SCARA3: variants seen among roughly 807,000 people sequenced by gnomAD.
SCARA3 encodes the protein cellular stress response gene protein.
In SCARA3, 39 loss-of-function variants were observed where a neutral mutation model predicts 47.0. The ratio of observed to expected loss-of-function variants is 0.83; its 90% CI spans 0.64 to 1.08. The LOEUF (loss-of-function observed/expected upper bound fraction) is 1.08, where lower values mean the gene tolerates loss of function less well. SCARA3 is among the 50% of genes least tolerant of loss of function. The pLI is 0.00. For synonymous variants in SCARA3, 356 were observed against 334.1 expected (o/e 1.07, Z -0.71); for missense variants, 724 against 792.3 (o/e 0.91, Z 1.04).
chr8:27,654,900 T>C (rs556313501), intron 3 of SCARA3, among the ~76,000 whole-genome samples: 8 of 152,222 alleles, frequency 5.3e-5, no homozygotes, highest in Admixed American at 5.2e-4. Context: ...TAATGAAGCA[T>C]AGGAATAGGA....
the SCARA3 span, chr8:27,697,139 G>A: frequency 5.5e-6 from 1 of 182,276 alleles, no homozygotes; most frequent in African/African-American, 2.3e-5. Flanking sequence ...CTCAGTGTCT[G>A]TAAAAGGCAT....
the SCARA3 span, among the ~76,000 whole-genome samples, chr8:27,721,792 C>A: frequency 6.6e-6 from 1 of 152,148 alleles, no homozygotes; most frequent in Non-Finnish European, 1.5e-5. Flanking sequence ...TGAAATAAGG[C>A]CAGGTGCAGT....
At chr8:27,673,546 T>A (rs34847340), downstream of SCARA3, among the ~76,000 whole-genome samples, 57 of 152,030 alleles carry the variant, frequency 3.7e-4, no homozygotes, top group East Asian at 9.3e-3. Context: ...TTTTTTGGAG[T>A]TTTTTTGGTG....
chr8:27,672,603 C>A lies in SCARA3; in HGVS notation c.*1252C>A. The A allele has an allele frequency of 1.0e-6, 1 of 985,616 alleles. No individual in the cohort carries two copies. The allele number at this position is 985,616 out of a possible 1,614,324, so 61.1% of individuals were successfully genotyped here. A position where few individuals can be genotyped will look rare whatever the true frequency, so the allele number is the denominator to read the frequency against. On this transcript the variant is annotated 3_prime_UTR_variant, in exon 6 of 6. Coordinates refer to ENST00000301904, the MANE Select transcript of SCARA3 (RefSeq NM_016240.3). ...GCCCGAGCCCTCTTTGCATGGGCAGCCAGCTGGACTAGGAGTGGGAAGGGC... is the reference window on the plus strand; with the variant it reads ...GCCCGAGCCCTCTTTGCATGGGCAGACAGCTGGACTAGGAGTGGGAAGGGC...
At chr8:27,648,818 AAGAG>A (rs554585052) in intron 1 of SCARA3, among the ~76,000 whole-genome samples, 1 of 150,702 alleles carries the variant, frequency 6.6e-6, no homozygotes, top group Non-Finnish European at 1.5e-5. Flanking sequence ...AGGAGAGAGA[AAGAG>A]AGAAAGGAGG....
chr8:27,698,513 T>C, the SCARA3 span, among the ~76,000 whole-genome samples: 1 of 151,930 alleles, frequency 6.6e-6, no homozygotes, highest in Non-Finnish European at 1.5e-5. Context: ...TGACTAGAGG[T>C]CCTCCCCAAC....
the SCARA3 span, among the ~76,000 whole-genome samples, chr8:27,710,099 G>A: frequency 2.6e-5 from 4 of 152,126 alleles, no homozygotes; most frequent in Non-Finnish European, 4.4e-5. Flanking sequence ...GTGTGGTGGT[G>A]CATGCCTGTA....
At chr8:27,708,395 T>G in the SCARA3 span, among the ~76,000 whole-genome samples, 1 of 152,166 alleles carries the variant, frequency 6.6e-6, no homozygotes, top group African/African-American at 2.4e-5. Flanking sequence ...TAAAAAGTCT[T>G]AATGATGTAA....
intron 5 of SCARA3, among the ~76,000 whole-genome samples, chr8:27,669,203 G>A (rs1231873676): frequency 1.3e-5 from 2 of 152,178 alleles, no homozygotes; most frequent in Non-Finnish European, 2.9e-5. Context: ...AAGGGGTCAT[G>A]GAGCTGCAGG....
the SCARA3 span, chr8:27,702,873 C>T: frequency 1.3e-5 from 2 of 152,336 alleles, no homozygotes; most frequent in South Asian, 2.1e-4. Flanking sequence ...ACCTTGGCCT[C>T]GCTCCTCTAA....
At position 27,658,665 on chromosome 8, in the gene SCARA3, A is replaced by G. The variant is rs1024713029; in HGVS notation, c.495A>G (p.Arg165=). The change falls in exon 5 of 6, where the codon AGA becomes AGG. Residue 165 remains arginine, a synonymous_variant. Transcript: ENST00000301904. ...QAQEVLSTTS[R]QISQEMGSCS... ...AGGAGGTGCTCTCCACCACCAGCAG[A>G]CAAATCTCCCAGGAGATGGGCAGTT... 31 of 1,613,972 alleles carry G rather than the reference A, an allele frequency of 1.9e-5. No homozygotes were observed. The highest frequency in any genetic ancestry group is 4.0e-5 in the African/African-American group (3 of 74,918).
At chr8:27,686,519 T>C in the SCARA3 span, among the ~76,000 whole-genome samples, 1 of 152,116 alleles carries the variant, frequency 6.6e-6, no homozygotes, top group South Asian at 2.1e-4. Flanking sequence ...AAAGAAGTAT[T>C]TTAGTAAGAA....
chr8:27,724,086 T>C, the SCARA3 span, among the ~76,000 whole-genome samples: 2 of 152,170 alleles, frequency 1.3e-5, no homozygotes, highest in Admixed American at 1.3e-4. Context: ...TTCCCACAAC[T>C]CTCGGCTTGA....
chr8:27,670,943 G>A lies in SCARA3; in HGVS notation c.1413G>A (p.Met471Ile). The change falls in exon 6 of 6, where the codon ATG (methionine) becomes ATA (isoleucine). Residue 471 changes from methionine (M) to isoleucine (I), a missense_variant. Coordinates refer to ENST00000301904, the MANE Select transcript of SCARA3 (RefSeq NM_016240.3). ...PPGPRGFKGD[M>I]GVKGPVGGRG... ...GACCAAGAGGATTCAAAGGAGATAT[G>A]GGCGTGAAAGGGCCTGTTGGCGGCA... 1 of 1,584,610 alleles carries A rather than the reference G, an allele frequency of 6.3e-7. No individual in the cohort carries two copies. The highest frequency in any genetic ancestry group is 8.5e-7 in the Non-Finnish European group (1 of 1,170,190).
chr8:27,633,655 T>A (rs1801182129), upstream of SCARA3, among the ~76,000 whole-genome samples: 1 of 151,974 alleles, frequency 6.6e-6, no homozygotes, highest in Non-Finnish European at 1.5e-5. Flanking sequence ...GGAGCCCGGG[T>A]TCGAGGCTGG....
intron 5 of SCARA3, among the ~76,000 whole-genome samples, chr8:27,661,551 A>G (rs2128921788): frequency 6.6e-6 from 1 of 152,308 alleles, no homozygotes; most frequent in Non-Finnish European, 1.5e-5. Flanking sequence ...ATATTCATTA[A>G]AAAAATAAGG....
At chr8:27,668,862 G>A (rs1453281198) in intron 5 of SCARA3, among the ~76,000 whole-genome samples, 1 of 152,186 alleles carries the variant, frequency 6.6e-6, no homozygotes, top group Admixed American at 6.5e-5. Flanking sequence ...CCTCACAGCT[G>A]GCTGCTGTGT....
chr8:27,714,879 T>A, the SCARA3 span, among the ~76,000 whole-genome samples: 4 of 152,186 alleles, frequency 2.6e-5, no homozygotes, highest in Non-Finnish European at 5.9e-5. Flanking sequence ...ACCTCAGATA[T>A]TTGACCCTCA....
downstream of SCARA3, among the ~76,000 whole-genome samples, chr8:27,675,241 C>T (rs1054909078): frequency 6.6e-5 from 10 of 152,156 alleles, no homozygotes; most frequent in African/African-American, 2.4e-4. Context: ...ACTTCTGTTG[C>T]GCCAGCCCTG....
Sources: allele counts gnomAD v4.1 joint callset (sites outside exome capture counted in the v4.1 genomes callset), GRCh38; gene constraint gnomAD v4.1.1; transcripts MANE v1.5; gene names NCBI Gene and HGNC (gene_info 2026-07-23, HGNC 2026-07-21).